The following DSCAML1 variants were observed in gnomAD, a reference collection of about 807,000 sequenced individuals.
DSCAML1 encodes the protein DS cell adhesion molecule like 1.
DSCAML1 carries 38 observed loss-of-function variants against 200.5 expected under a neutral mutation model. The ratio of observed to expected loss-of-function variants is 0.19; its 90% CI spans 0.15 to 0.25. DSCAML1 has a LOEUF of 0.25. Ranked by LOEUF, DSCAML1 falls within the 10% of genes least tolerant of loss-of-function variation. The pLI is 1.00. For missense variants in DSCAML1, 2,223 were observed against 2,858.8 expected, an observed-to-expected ratio of 0.78 and a Z score of 5.07; for synonymous variants, 1,215 against 1,165.0, an observed-to-expected ratio of 1.04 and a Z score of -0.87.
upstream of DSCAML1, among the ~76,000 whole-genome samples, chr11:117,798,386 C>T (rs912497289): frequency 6.6e-6 from 1 of 152,160 alleles, no homozygotes. Flanking sequence ...CTCCTCACTC[C>T]CAGGTTTTGC....
chr11:117,738,270 C>G (rs1287585091), intron 3 of DSCAML1, among the ~76,000 whole-genome samples: 4 of 152,142 alleles, frequency 2.6e-5, no homozygotes, highest in African/African-American at 9.7e-5. Flanking sequence ...CTTCTTAGTA[C>G]TTTTCTTGCT....
chr11:117,672,888 A>C (rs2053140284), intron 3 of DSCAML1, among the ~76,000 whole-genome samples: 1 of 152,242 alleles, frequency 6.6e-6, no homozygotes, highest in Admixed American at 6.5e-5. Context: ...TATGTCTGGA[A>C]GTAGGAAGTG....
At chr11:117,442,219 G>A (rs2048072694) in intron 21 of DSCAML1, among the ~76,000 whole-genome samples, 1 of 135,272 alleles carries the variant, frequency 7.4e-6, no homozygotes, top group African/African-American at 2.7e-5. Context: ...GTATTAGTGT[G>A]TCTAGTGTGT....
At chr11:117,735,088 C>A (rs1213762945) in intron 3 of DSCAML1, among the ~76,000 whole-genome samples, 1 of 152,156 alleles carries the variant, frequency 6.6e-6, no homozygotes, top group Non-Finnish European at 1.5e-5. Flanking sequence ...GGGACCAGAC[C>A]ACATCTTTGG....
rs555398879 is a variant in DSCAML1 at position 117,435,682 on chromosome 11, C to A, written c.4838G>T (p.Arg1613Leu). 10 of 1,607,956 alleles carry A rather than the reference C, an allele frequency of 6.2e-6. No individual in the cohort carries two copies. In the South Asian group the frequency reaches 6.6e-5, roughly 11 times the overall value. The change falls in exon 27 of 33, where the codon CGC (arginine) becomes CTC (leucine). Residue 1613 changes from arginine (R) to leucine (L), a missense_variant. By Grantham distance (102) the Arg-to-Leu change is moderately radical. Around this residue, in one of 7 missense-constraint regions of DSCAML1, gnomAD observed 614 missense variants for 739.1 expected, o/e 0.83. Coordinates refer to ENST00000651296, the MANE Select transcript of DSCAML1 (RefSeq NM_020693.4). ...CAGCCGTTTCTCCTTCCTCTTCTTG[C>A]GTACGATGAAGAGCAGTGCCACCCC... ...TLGVALLFIV[R>L]KKRKEKRLKR... is the part of the protein sequence containing the mutation.
Position 117,731,234 on chromosome 11 carries a change from G to A in DSCAML1, c.511+45557C>T, listed in dbSNP as rs535070508. 4.6e-5 allele frequency among the ~76,000 whole-genome samples: 7 copies of A among 152,250 alleles called. No homozygotes were observed. In the South Asian group the frequency reaches 8.3e-4, roughly 18 times the overall value. On this transcript the variant is annotated intron_variant, in intron 3 of 32. Transcript: ENST00000651296. ...TGGTCAATCACAGATTAACAGGGGC[G>A]CCTCAGCTCTGTCTTAGCAAGCCAA...
At chr11:117,476,703 T>C (rs2048800672) in intron 14 of DSCAML1, among the ~76,000 whole-genome samples, 1 of 152,234 alleles carries the variant, frequency 6.6e-6, no homozygotes, top group Admixed American at 6.5e-5. Context: ...GTGCTATTTA[T>C]CATTCGGCAT....
At chr11:117,679,596 TTTCTA>T (rs1462643861) in intron 3 of DSCAML1, among the ~76,000 whole-genome samples, 1 of 152,136 alleles carries the variant, frequency 6.6e-6, no homozygotes, top group Non-Finnish European at 1.5e-5. Context: ...TCTCAGGTGG[TTTCTA>T]GCTCTCCTCC....
intron 3 of DSCAML1, among the ~76,000 whole-genome samples, chr11:117,684,443 A>C (rs2053368294): frequency 6.7e-6 from 1 of 148,654 alleles, no homozygotes; most frequent in Admixed American, 6.8e-5. Flanking sequence ...ACTAAAAAAA[A>C]AAAAAAAAAA....
chr11:117,657,662 G>A (rs781664078), intron 3 of DSCAML1, among the ~76,000 whole-genome samples: 8 of 152,090 alleles, frequency 5.3e-5, no homozygotes, highest in African/African-American at 1.9e-4. Flanking sequence ...TATTTAAAAT[G>A]ATCAACAGCC....
chr11:117,531,710 C>A (rs1429091665), intron 4 of DSCAML1, among the ~76,000 whole-genome samples: 1 of 151,884 alleles, frequency 6.6e-6, no homozygotes, highest in Admixed American at 6.6e-5. Flanking sequence ...ATGGTGAAAC[C>A]CTGTCTCTAC....
intron 3 of DSCAML1, among the ~76,000 whole-genome samples, chr11:117,637,739 G>T (rs2137586232): frequency 6.6e-6 from 1 of 152,332 alleles, no homozygotes; most frequent in African/African-American, 2.4e-5. Flanking sequence ...AAGGAAATGA[G>T]AAGTCCACAT....
intron 3 of DSCAML1, among the ~76,000 whole-genome samples, chr11:117,546,087 C>T (rs2050368333): frequency 6.6e-6 from 1 of 152,206 alleles, no homozygotes; most frequent in Admixed American, 6.5e-5. Flanking sequence ...TGTCACCACC[C>T]CCAAGTCCCC....
At chr11:117,752,838 C>T (rs1224450152) in intron 3 of DSCAML1, among the ~76,000 whole-genome samples, 3 of 152,212 alleles carry the variant, frequency 2.0e-5, no homozygotes, top group Non-Finnish European at 2.9e-5. Flanking sequence ...GCGGCGAGGA[C>T]ACCCAGGACC....
At chr11:117,520,199 TGAG>T (rs1565760938) in intron 6 of DSCAML1, among the ~76,000 whole-genome samples, 1 of 152,188 alleles carries the variant, frequency 6.6e-6, no homozygotes, top group Non-Finnish European at 1.5e-5. Context: ...GGTTGGCAAA[TGAG>T]GTGCAGGCTG....
In DSCAML1 at chr11:117,527,664, C is replaced by A. The variant is rs1003137867; in HGVS notation, c.659-2581G>T. Among the ~76,000 whole-genome samples the A allele has an allele frequency of 3.3e-5, 5 of 152,330 alleles. No homozygotes were observed. The South Asian group carries it at 8.3e-4, about 25-fold the overall frequency. ...CTAAGATCAGAAGCCAGGTCTCCCC[C>A]ACCCTTGTTCAGTAAATGGCGTCTG... On this transcript the variant is annotated intron_variant, in intron 4 of 32. Coordinates refer to ENST00000651296, the MANE Select transcript of DSCAML1 (RefSeq NM_020693.4).
intron 3 of DSCAML1, among the ~76,000 whole-genome samples, chr11:117,645,286 C>T (rs2052499758): frequency 6.6e-6 from 1 of 152,118 alleles, no homozygotes; most frequent in East Asian, 1.9e-4. Flanking sequence ...GGTCTCCCAC[C>T]CCAGCTTCTC....
At chr11:117,589,573 T>C (rs1481722254) in intron 3 of DSCAML1, among the ~76,000 whole-genome samples, 1 of 152,154 alleles carries the variant, frequency 6.6e-6, no homozygotes, top group Non-Finnish European at 1.5e-5. Context: ...TAGGTAAATA[T>C]AATAATGTTG....
chr11:117,729,853 C>A (rs191781758), intron 3 of DSCAML1, among the ~76,000 whole-genome samples: 1 of 152,166 alleles, frequency 6.6e-6, no homozygotes, highest in Non-Finnish European at 1.5e-5. Flanking sequence ...ATCAAGGAAT[C>A]TGAGATGGGG....
Sources: allele counts gnomAD v4.1 joint callset (sites outside exome capture counted in the v4.1 genomes callset), GRCh38; gene constraint gnomAD v4.1.1; regional missense constraint gnomAD v4.1.1; transcripts MANE v1.5; gene names NCBI Gene and HGNC (gene_info 2026-07-23, HGNC 2026-07-21).